The following PNMA6E variants were observed in gnomAD, a reference collection of about 807,000 sequenced individuals.
The protein encoded by PNMA6E is paraneoplastic antigen Ma6E.
For synonymous variants in PNMA6E, 43 were observed against 17.1 expected (o/e 2.52, Z -3.74); for missense variants, 78 against 50.8 (o/e 1.53, Z -1.63).
At chrX:153,406,713 G>A in the PNMA6E span, among the ~76,000 whole-genome samples, 2 of 112,879 alleles carry the variant, frequency 1.8e-5, no homozygotes, top group South Asian at 7.3e-4. Context: ...TGAGTGACAC[G>A]AACTCATTGC....
upstream of PNMA6E, among the ~76,000 whole-genome samples, chrX:153,405,608 TCTCTCA>T (rs1556972012): frequency 1.3e-5 from 1 of 78,464 alleles, no homozygotes; most frequent in African/African-American, 5.1e-5. Context: ...TCCCCCTGCC[TCTCTCA>T]CTCTCTCTCT....
the PNMA6E span, among the ~76,000 whole-genome samples, chrX:153,407,828 C>T: frequency 2.1e-4 from 24 of 112,457 alleles, no homozygotes; most frequent in African/African-American, 7.4e-4. Context: ...GTCCATGGCC[C>T]AAATGGCCCA....
In PNMA6E at chrX:153,396,041, A is replaced by G. The variant is rs2088800302; in HGVS notation, c.*865T>C. On this transcript the variant is annotated 3_prime_UTR_variant, in exon 2 of 2. Coordinates refer to ENST00000445091, the MANE Select transcript of PNMA6E (RefSeq NM_001367770.1). ...AAACGCCAAAGCATAGTTCTTGTGGATCCTCACGCAGCCCCGCTGTGCCCC... is the reference window on the plus strand; with the variant it reads ...AAACGCCAAAGCATAGTTCTTGTGGGTCCTCACGCAGCCCCGCTGTGCCCC... 1 of 116,891 alleles carries G rather than the reference A, an allele frequency of 8.6e-6. No homozygotes were observed. Among genetic ancestry groups the G allele is most frequent in the African/African-American group, 3.2e-5 (1 of 30,942 alleles). The allele number at this position is 116,891 out of a possible 1,213,427, so 9.6% of individuals were successfully genotyped here.
chrX:153,410,829 A>G, the PNMA6E span, among the ~76,000 whole-genome samples: 25 of 111,663 alleles, frequency 2.2e-4, no homozygotes, highest in Non-Finnish European at 4.7e-4. Flanking sequence ...ACGCTTCACT[A>G]TTTGTCAAAG....
At chrX:153,407,325 G>T in the PNMA6E span, among the ~76,000 whole-genome samples, 1 of 111,638 alleles carries the variant, frequency 9.0e-6, no homozygotes, top group Non-Finnish European at 1.9e-5. Flanking sequence ...ACTAGACACT[G>T]CTGGCTGCCC....
the PNMA6E span, among the ~76,000 whole-genome samples, chrX:153,413,875 G>T: frequency 8.9e-6 from 1 of 112,472 alleles, no homozygotes; most frequent in Admixed American, 9.3e-5. Context: ...CACTGCTCTG[G>T]GTGACGGCTT....
upstream of PNMA6E, chrX:153,401,426 G>C (rs2124274285): frequency 8.9e-6 from 1 of 112,113 alleles, no homozygotes; most frequent in African/African-American, 3.2e-5. Flanking sequence ...GCCACAGGGA[G>C]TTCCGAAAGA....
intron 1 of PNMA6E, among the ~76,000 whole-genome samples, 188 bp downstream of exon 1, chrX:153,401,056 G>A (rs1023103052): frequency 1.3e-4 from 14 of 108,798 alleles, no homozygotes; most frequent in Middle Eastern, 9.3e-3. Flanking sequence ...GAAGCCCACC[G>A]TGACAGCCAC....
chrX:153,400,294 G>T, intron 1 of PNMA6E, among the ~76,000 whole-genome samples: 1 of 112,151 alleles, frequency 8.9e-6, no homozygotes, highest in Non-Finnish European at 1.9e-5. Context: ...CAGCCTCCAG[G>T]GGGCGCTCAC....
upstream of PNMA6E, among the ~76,000 whole-genome samples, chrX:153,401,799 T>A: frequency 9.1e-6 from 1 of 110,387 alleles, no homozygotes; most frequent in Non-Finnish European, 1.9e-5. Flanking sequence ...TGTTTTTGTT[T>A]TTTTAGACTG....
upstream of PNMA6E, among the ~76,000 whole-genome samples, chrX:153,406,188 G>A (rs192465784): frequency 5.4e-4 from 61 of 112,754 alleles, no homozygotes; most frequent in South Asian, 0.012. Context: ...CTGAGCCCGG[G>A]GAGGGGAGCA....
chrX:153,407,290 C>T, the PNMA6E span, among the ~76,000 whole-genome samples: 1 of 111,885 alleles, frequency 8.9e-6, no homozygotes, highest in African/African-American at 3.2e-5. Context: ...GCTTTGGTCC[C>T]TATCACCTGA....
chrX:153,407,183 G>A, the PNMA6E span, among the ~76,000 whole-genome samples: 139 of 112,863 alleles, frequency 1.2e-3, no homozygotes, highest in African/African-American at 4.4e-3. Context: ...CTCCAGCTCA[G>A]CCTCCGGGCC....
Position 153,398,731 on chromosome X carries a change from C to A in PNMA6E, c.119G>T (p.Arg40Leu), listed in dbSNP as rs782035765. The A allele has an allele frequency of 1.6e-5, 5 of 305,828 alleles. No individual in the cohort carries two copies. Among genetic ancestry groups the A allele is most frequent in the African/African-American group, 1.4e-4 (5 of 36,698 alleles). The allele number at this position is 305,828 out of a possible 1,213,427, so 25.2% of individuals were successfully genotyped here. The stretch of plus-strand genomic sequence containing the variant: ...CCTGCCCAGGGGCGACAGGGCAGCC[C>A]GCACGGCCTCCTGGAACTCATGTTC... ...CKEHEFQEAVRAALSPLGRYR... is the reference protein window; with the variant it reads ...CKEHEFQEAVLAALSPLGRYR... Residue 40 changes from arginine to leucine, a missense_variant, in exon 2 of 2, where the codon CGG becomes CTG. Arg to Leu is a moderately radical substitution (Grantham distance 102). Coordinates refer to ENST00000445091, the MANE Select transcript of PNMA6E (RefSeq NM_001367770.1).
intron 1 of PNMA6E, among the ~76,000 whole-genome samples, chrX:153,400,395 C>T (rs2088840623): frequency 8.9e-6 from 1 of 112,536 alleles, no homozygotes; most frequent in Non-Finnish European, 1.9e-5. Flanking sequence ...CATCCCCCAC[C>T]GCACACCGGG....
chrX:153,411,562 A>C, the PNMA6E span, among the ~76,000 whole-genome samples: 2 of 112,297 alleles, frequency 1.8e-5, no homozygotes, highest in Non-Finnish European at 3.8e-5. Context: ...AAGTCGAGAC[A>C]AGCCCAGGAG....
the PNMA6E span, among the ~76,000 whole-genome samples, chrX:153,409,010 A>G: frequency 8.9e-6 from 1 of 112,696 alleles, no homozygotes; most frequent in Admixed American, 9.3e-5. Context: ...GCCCCTGGGC[A>G]CCTGCTGTGG....
At chrX:153,411,005 T>A in the PNMA6E span, among the ~76,000 whole-genome samples, 1 of 110,719 alleles carries the variant, frequency 9.0e-6, no homozygotes, top group East Asian at 2.9e-4. Context: ...CTTCTTGCAC[T>A]TCCCTGACCT....
At chrX:153,402,523 G>A (rs1034256963), upstream of PNMA6E, among the ~76,000 whole-genome samples, 8 of 111,259 alleles carry the variant, frequency 7.2e-5, no homozygotes, top group Non-Finnish European at 1.3e-4. Flanking sequence ...ATATCTACAT[G>A]TTATAAACCC....
Sources: allele counts gnomAD v4.1 joint callset (sites outside exome capture counted in the v4.1 genomes callset), GRCh38; gene constraint gnomAD v4.1.1; transcripts MANE v1.5; gene names NCBI Gene and HGNC (gene_info 2026-07-23, HGNC 2026-07-21).